PRKAR1A: variants seen among roughly 807,000 people sequenced by gnomAD.
PRKAR1A encodes the protein cAMP-dependent protein kinase type I-alpha regulatory subunit.
In PRKAR1A, 3 loss-of-function variants were observed where a neutral mutation model predicts 52.0. That is an observed-to-expected ratio of 0.06 (90% CI 0.03 to 0.15). The LOEUF (loss-of-function observed/expected upper bound fraction) is 0.15. PRKAR1A is among the 10% of genes least tolerant of loss of function. PRKAR1A has a pLI of 1.00. For missense variants in PRKAR1A, 240 were observed against 477.4 expected, an observed-to-expected ratio of 0.50 and a Z score of 4.63; for synonymous variants, 188 against 168.4, an observed-to-expected ratio of 1.12 and a Z score of -0.90.
chr17:68,420,511 G>T, the PRKAR1A span: 1 of 1,580,950 alleles, frequency 6.3e-7, no homozygotes, highest in Non-Finnish European at 8.6e-7. Context: ...AATTAGGCAA[G>T]TTTGCTTCCA....
At chr17:68,482,174 A>G in the PRKAR1A span, among the ~76,000 whole-genome samples, 1 of 152,234 alleles carries the variant, frequency 6.6e-6, no homozygotes, top group African/African-American at 2.4e-5. Flanking sequence ...GGTGAGTAGG[A>G]TGAAGCGACA....
chr17:68,533,452 T>C (rs1336377752), downstream of PRKAR1A: 1 of 1,040,578 alleles, frequency 9.6e-7, no homozygotes, highest in Non-Finnish European at 1.2e-6. Flanking sequence ...TTGACAGTCC[T>C]GGTTATAGTT....
At chr17:68,432,921 G>A in the PRKAR1A span, among the ~76,000 whole-genome samples, 1 of 152,080 alleles carries the variant, frequency 6.6e-6, no homozygotes, top group Non-Finnish European at 1.5e-5. Context: ...TGTCTGCCCT[G>A]AAGTTCTTTT....
chr17:68,539,489 A>G (rs1412738567), intron 11 of PRKAR1A: 1 of 1,177,980 alleles, frequency 8.5e-7, no homozygotes, highest in African/African-American at 1.5e-5. Context: ...TGTGAATCAG[A>G]GATTGGGGTA....
chr17:68,417,396 C>T, the PRKAR1A span, among the ~76,000 whole-genome samples: 2 of 152,100 alleles, frequency 1.3e-5, no homozygotes, highest in African/African-American at 4.8e-5. Flanking sequence ...GATTTTTCTC[C>T]AGTATTTACT....
At chr17:68,542,139 A>G in intron 11 of PRKAR1A, 1 of 1,614,094 alleles carries the variant, frequency 6.2e-7, no homozygotes, top group Non-Finnish European at 8.5e-7. Flanking sequence ...ATGTATGGAC[A>G]CTTGGCGAAG....
At chr17:68,489,694 G>A in the PRKAR1A span, among the ~76,000 whole-genome samples, 5 of 149,564 alleles carry the variant, frequency 3.3e-5, no homozygotes, top group Non-Finnish European at 5.9e-5. Flanking sequence ...GGGATTACAG[G>A]TGCGTGTCAT....
the PRKAR1A span, among the ~76,000 whole-genome samples, chr17:68,489,522 GTA>G: frequency 7.1e-4 from 101 of 143,062 alleles, no homozygotes; most frequent in African/African-American, 2.5e-3. Flanking sequence ...TATGGAAAGT[GTA>G]TATATATATA....
chr17:68,424,877 AAAAAC>A, the PRKAR1A span, among the ~76,000 whole-genome samples: 5 of 152,368 alleles, frequency 3.3e-5, no homozygotes, highest in Admixed American at 2.0e-4. Flanking sequence ...ACTCCGTCTC[AAAAAC>A]AAAACAAAAC....
Position 68,531,309 on chromosome 17 carries a change from A to G in PRKAR1A, c.*860A>G. ...TTTGAGGTCTACATTCTTGGTTGTT[A>G]ATTTAGAGCGTTTGGTTAAAGTATG... is the stretch of plus-strand genomic sequence containing the variant. On this transcript the variant is annotated 3_prime_UTR_variant, in exon 11 of 11. Coordinates refer to ENST00000589228, the MANE Select transcript of PRKAR1A (RefSeq NM_002734.5). 1 of 1,066,130 alleles carries G rather than the reference A, an allele frequency of 9.4e-7. No homozygotes were observed. Among genetic ancestry groups the G allele is most frequent in the African/African-American group, 1.6e-5 (1 of 61,222 alleles). 66.0% of individuals were successfully genotyped at this position (1,066,130 alleles called of 1,614,324 possible). A position where few individuals can be genotyped will look rare whatever the true frequency, so the allele number is the denominator to read the frequency against.
the PRKAR1A span, among the ~76,000 whole-genome samples, chr17:68,504,890 A>G: frequency 6.6e-6 from 1 of 152,212 alleles, no homozygotes; most frequent in Non-Finnish European, 1.5e-5. Context: ...TGATGTGATT[A>G]TTACCCATTG....
the PRKAR1A span, chr17:68,429,953 A>G: frequency 6.2e-7 from 1 of 1,609,910 alleles, no homozygotes; most frequent in Non-Finnish European, 8.5e-7. Flanking sequence ...AAATACATTG[A>G]CGAAAGTGTG....
chr17:68,508,747 G>T (rs1303599396), upstream of PRKAR1A, among the ~76,000 whole-genome samples: 1 of 152,138 alleles, frequency 6.6e-6, no homozygotes, highest in Non-Finnish European at 1.5e-5. Flanking sequence ...TACTTGGAAC[G>T]CTTTAGTGTT....
At chr17:68,419,882 C>T in the PRKAR1A span, among the ~76,000 whole-genome samples, 1 of 151,776 alleles carries the variant, frequency 6.6e-6, no homozygotes, top group Non-Finnish European at 1.5e-5. Context: ...CACTTGAGCC[C>T]AAAAAGGCTG....
At chr17:68,541,006 G>T in intron 11 of PRKAR1A, 1 of 1,550,520 alleles carries the variant, frequency 6.4e-7, no homozygotes, top group Non-Finnish European at 8.7e-7. Context: ...AGATGGCAGG[G>T]TGTCGGGGGT....
chr17:68,535,206 T>A (rs1450791919), downstream of PRKAR1A: 3 of 447,792 alleles, frequency 6.7e-6, no homozygotes, highest in South Asian at 4.7e-5. Context: ...ACGGTTGGTT[T>A]TCTGATATTT....
At chr17:68,518,234 CT>C (rs1276094223) in intron 2 of PRKAR1A, among the ~76,000 whole-genome samples, 1 of 152,204 alleles carries the variant, frequency 6.6e-6, no homozygotes, top group Admixed American at 6.5e-5. Context: ...GATAGTGGCC[CT>C]CTTCTCGTAG....
chr17:68,478,820 C>T, the PRKAR1A span, among the ~76,000 whole-genome samples: 16,565 of 151,860 alleles, frequency 0.11, 920 homozygotes, highest in Middle Eastern at 0.14. Flanking sequence ...CTCCGCCTCC[C>T]GGATTCAAGC....
the PRKAR1A span, among the ~76,000 whole-genome samples, chr17:68,466,278 A>C: frequency 8.5e-5 from 13 of 152,070 alleles, no homozygotes; most frequent in Non-Finnish European, 1.5e-4. Flanking sequence ...GTTTCTGCTG[A>C]TGAAGGCCCT....
Sources: allele counts gnomAD v4.1 joint callset (sites outside exome capture counted in the v4.1 genomes callset), GRCh38; gene constraint gnomAD v4.1.1; transcripts MANE v1.5; gene names NCBI Gene and HGNC (gene_info 2026-07-23, HGNC 2026-07-21).